The following ARID1B variants were observed in gnomAD, a reference collection of about 807,000 sequenced individuals.
The protein encoded by ARID1B is AT-rich interactive domain-containing protein 1B.
ARID1B carries 30 observed loss-of-function variants against 212.3 expected under a neutral mutation model. The observed-to-expected ratio is 0.14, with a 90% CI of 0.11 to 0.19. The LOEUF (loss-of-function observed/expected upper bound fraction) is 0.19. ARID1B is among the 10% of genes least tolerant of loss of function. The pLI, the probability that ARID1B is intolerant of heterozygous loss-of-function variation, is 1.00. For missense variants in ARID1B, 2,891 were observed against 3,204.0 expected (o/e 0.90, Z 2.36); for synonymous variants, 1,402 against 1,301.7 (o/e 1.08, Z -1.66).
At chr6:157,125,621 T>A (rs1011249105) in intron 6 of ARID1B, among the ~76,000 whole-genome samples, 3 of 152,310 alleles carry the variant, frequency 2.0e-5, no homozygotes, top group Middle Eastern at 6.8e-3. Flanking sequence ...CGAGGAAACC[T>A]TCCACCATCC....
chr6:156,826,260 C>T (rs1396014316), intron 1 of ARID1B, among the ~76,000 whole-genome samples: 1 of 152,224 alleles, frequency 6.6e-6, no homozygotes, highest in East Asian at 1.9e-4. Flanking sequence ...TGGCACAGTC[C>T]TGTGGATCCC....
chr6:156,823,693 T>TTTTTG (rs1431262157), intron 1 of ARID1B, among the ~76,000 whole-genome samples: 3 of 150,760 alleles, frequency 2.0e-5, no homozygotes, highest in African/African-American at 7.3e-5. Flanking sequence ...TTGTTGTTTT[T>TTTTTG]TTTTTTTTTT....
chr6:156,893,045 C>CTTTTTTTTTTTTTTTTTTTTTTTTT lies in ARID1B; in HGVS notation c.1987-8316_1987-8315insTTTTTTTTTTTTTTTTTTTTTTTTT, dbSNP rs567719662. On this transcript the variant is annotated intron_variant, in intron 2 of 19. Transcript: ENST00000636930. ...AACTCTTTTTTTTTCTTTTTTCTTCCTTTTTTTTTTTTTTTGAGATGGAGT... is the reference window on the plus strand; with the variant it reads ...AACTCTTTTTTTTTCTTTTTTCTTCCTTTTTTTTTTTTTTTTTTTTTTTTTTTTTTTTTTTTTTTTGAGATGGAGT... Among the ~76,000 whole-genome samples the CTTTTTTTTTTTTTTTTTTTTTTTTT allele has an allele frequency of 5.6e-4, 48 of 85,916 alleles. 5 individuals carry two copies. The highest frequency in any genetic ancestry group is 2.1e-3 in the African/African-American group (44 of 21,318). 56.4% of individuals were successfully genotyped at this position (85,916 alleles called of 152,430 possible).
intron 4 of ARID1B, among the ~76,000 whole-genome samples, chr6:157,041,198 G>T (rs1781852069): frequency 1.3e-5 from 2 of 152,154 alleles, no homozygotes; most frequent in South Asian, 2.1e-4. Flanking sequence ...ACCAACATGG[G>T]TTGGTTCTTT....
chr6:156,995,207 CGAAT>C lies in ARID1B; in HGVS notation c.2247+59634_2247+59637del, dbSNP rs528303840. 1.1e-4 allele frequency among the ~76,000 whole-genome samples: 16 copies of C among 152,276 alleles called. No individual in the cohort carries two copies. The East Asian group carries it at 3.1e-3, about 29-fold the overall frequency. On this transcript the variant is annotated intron_variant, in intron 4 of 19. Coordinates refer to ENST00000636930, the MANE Select transcript of ARID1B (RefSeq NM_001374828.1). ...ACGGTAGGAAGCCTGAGGTGACGTACGAATGAGCCCCTGAAAAGTGAATTTCATT... is the reference window on the plus strand; with the variant it reads ...ACGGTAGGAAGCCTGAGGTGACGTACGAGCCCCTGAAAAGTGAATTTCATT...
rs942861632 is a variant in ARID1B at position 157,066,241 on chromosome 6, T to C, written c.2248-18421T>C. On this transcript the variant is annotated intron_variant, in intron 4 of 19. Transcript: ENST00000636930. ...TAACTAAAAGAAATTTTAGACAAGA[T>C]GGATGTCATGGAAGAGAATATTCTT... Among the ~76,000 whole-genome samples the C allele has an allele frequency of 3.3e-5, 5 of 152,232 alleles. No homozygotes were observed. In the East Asian group the frequency reaches 7.7e-4, roughly 23 times the overall value.
rs180680857 is a variant in ARID1B, at chr6:157,121,696, G to A, written c.2581+11135G>A. Among the ~76,000 whole-genome samples, 865 of 147,090 alleles carry A rather than the reference G, an allele frequency of 5.9e-3. 8 individuals carry two copies. Among genetic ancestry groups the A allele is most frequent in the African/African-American group, 0.021 (818 of 39,680 alleles). On this transcript the variant is annotated intron_variant, in intron 6 of 19. Coordinates refer to ENST00000636930, the MANE Select transcript of ARID1B (RefSeq NM_001374828.1). ...CATCCAGGCTGGAGTGCAGTGGCGC[G>A]TCTCTGCTCACTGCAACCTCCACCT...
chr6:156,966,468 A>C (rs967865484), intron 4 of ARID1B, among the ~76,000 whole-genome samples: 1 of 139,660 alleles, frequency 7.2e-6, no homozygotes, highest in Non-Finnish European at 1.5e-5. Context: ...ATCTTGGCTC[A>C]CTGCAACCTC....
rs143005321 is a variant in ARID1B at position 156,863,406 on chromosome 6, G to C, written c.1986+33985G>C. 1.0e-3 allele frequency among the ~76,000 whole-genome samples: 158 copies of C among 152,256 alleles called. 1 individual carries two copies. The South Asian group carries it at 0.015, about 15-fold the overall frequency. The stretch of plus-strand genomic sequence containing the variant: ...GACTCTGGATTCTCAAGGTTGGATG[G>C]AAGAGAAGAATATGGATCTCTCAGC... On this transcript the variant is annotated intron_variant, in intron 2 of 19. Transcript: ENST00000636930.
intron 4 of ARID1B, among the ~76,000 whole-genome samples, chr6:157,016,807 C>T (rs1334395645): frequency 2.0e-5 from 3 of 152,088 alleles, no homozygotes; most frequent in South Asian, 2.1e-4. Context: ...ACGTTTGTTT[C>T]GATGTTTAAT....
chr6:157,054,920 G>C (rs1349987585), intron 4 of ARID1B, among the ~76,000 whole-genome samples: 2 of 152,190 alleles, frequency 1.3e-5, no homozygotes, highest in African/African-American at 4.8e-5. Context: ...CATCCCCAGT[G>C]GTGGGTCTCT....
At chr6:156,947,783 A>G (rs1004043049) in intron 4 of ARID1B, among the ~76,000 whole-genome samples, 1 of 152,186 alleles carries the variant, frequency 6.6e-6, no homozygotes. Context: ...TTTGTTTAAA[A>G]AATTCTTTTT....
chr6:157,169,727 T>A (rs1361717296), intron 9 of ARID1B: 2 of 152,234 alleles, frequency 1.3e-5, no homozygotes, highest in Non-Finnish European at 2.9e-5. Context: ...AAAGTGGACA[T>A]CTAAATTCCA....
At chr6:156,798,730 T>C (rs530251782) in intron 1 of ARID1B, among the ~76,000 whole-genome samples, 2 of 152,372 alleles carry the variant, frequency 1.3e-5, no homozygotes, top group Admixed American at 1.3e-4. Context: ...TGGAGGCATC[T>C]CTGAGTGTCT....
chr6:156,893,045 C>CTT lies in ARID1B; in HGVS notation c.1987-8317_1987-8316dup, dbSNP rs567719662. Among the ~76,000 whole-genome samples the CTT allele has an allele frequency of 7.9e-3, 680 of 85,892 alleles. 57 individuals are homozygous for CTT. Among genetic ancestry groups the CTT allele is most frequent in the African/African-American group, 0.03 (648 of 21,300 alleles). 56.3% of individuals were successfully genotyped at this position (85,892 alleles called of 152,430 possible). ...AACTCTTTTTTTTTCTTTTTTCTTC[C>CTT]TTTTTTTTTTTTTTTGAGATGGAGT... is the stretch of plus-strand genomic sequence containing the variant. On this transcript the variant is annotated intron_variant, in intron 2 of 19. Coordinates refer to ENST00000636930, the MANE Select transcript of ARID1B (RefSeq NM_001374828.1).
chr6:157,154,112 T>G (rs999081591), intron 8 of ARID1B, among the ~76,000 whole-genome samples: 2 of 152,198 alleles, frequency 1.3e-5, no homozygotes, highest in African/African-American at 4.8e-5. Flanking sequence ...TACAACTGAT[T>G]GTGGATTTGG....
intron 1 of ARID1B, among the ~76,000 whole-genome samples, chr6:156,801,366 A>G (rs1447681691): frequency 6.6e-6 from 1 of 151,498 alleles, no homozygotes; most frequent in Non-Finnish European, 1.5e-5. Context: ...GGTCTGGGTA[A>G]TTTTTTGTAT....
chr6:157,074,378 C>T (rs1784184367), intron 4 of ARID1B, among the ~76,000 whole-genome samples: 1 of 152,124 alleles, frequency 6.6e-6, no homozygotes, highest in Non-Finnish European at 1.5e-5. Flanking sequence ...AGGTGTGCCT[C>T]ACCACACGGG....
At chr6:156,850,430 G>A (rs145066014) in intron 2 of ARID1B, among the ~76,000 whole-genome samples, 5 of 152,090 alleles carry the variant, frequency 3.3e-5, no homozygotes, top group Admixed American at 6.5e-5. Context: ...TTTTGAATTT[G>A]TATTTTGAAT....
Sources: allele counts gnomAD v4.1 joint callset (sites outside exome capture counted in the v4.1 genomes callset), GRCh38; gene constraint gnomAD v4.1.1; transcripts MANE v1.5; gene names NCBI Gene and HGNC (gene_info 2026-07-23, HGNC 2026-07-21).